LMBRD1: variants seen among roughly 807,000 people sequenced by gnomAD.
LMBRD1 encodes the protein lysosomal cobalamin transport escort protein LMBD1.
Under a neutral mutation model 74.8 loss-of-function variants are expected in LMBRD1, and 64 were observed. That is an observed-to-expected ratio of 0.86 (90% confidence interval 0.70 to 1.05). The LOEUF is 1.05. Among genes scored for constraint, LMBRD1 ranks in the 50% least tolerant of loss-of-function variants. The probability of loss-of-function intolerance (pLI) is 0.00; values close to 1 mark genes in which losing one functional copy is unlikely to be tolerated. For synonymous variants in LMBRD1, 204 were observed against 216.3 expected (o/e 0.94, Z 0.50); for missense variants, 652 against 645.9 (o/e 1.01, Z -0.10).
At chr6:69,740,092 C>A (rs920409914) in intron 6 of LMBRD1, among the ~76,000 whole-genome samples, 2 of 150,498 alleles carry the variant, frequency 1.3e-5, no homozygotes, top group Non-Finnish European at 2.9e-5. Context: ...GGTGACAGAG[C>A]AAGACTCCGT....
At chr6:69,753,547 A>C (rs925582818) in intron 3 of LMBRD1, among the ~76,000 whole-genome samples, 1 of 152,202 alleles carries the variant, frequency 6.6e-6, no homozygotes, top group African/African-American at 2.4e-5. Flanking sequence ...AAAAATGAAA[A>C]ATGGCATTAC....
rs200207509 is a variant in LMBRD1, at chr6:69,719,018, G to A, written c.700C>T (p.Arg234Cys). 13 of 1,612,830 alleles carry A rather than the reference G, an allele frequency of 8.1e-6. No homozygotes were observed. Among genetic ancestry groups the A allele is most frequent in the Admixed American group, 3.3e-5 (2 of 59,926 alleles). ...IKGTRSAAYE[R>C]LENTEDIEEV... is the part of the protein sequence containing the mutation. ...TCAATGTCTTCAGTGTTTTCCAAACGTTCATAAGCAGCGCTTCTAGTGCCT... is the reference window on the plus strand; with the variant it reads ...TCAATGTCTTCAGTGTTTTCCAAACATTCATAAGCAGCGCTTCTAGTGCCT... The change falls in exon 8 of 16, where the codon CGT (arginine) becomes TGT (cysteine). Residue 234 changes from arginine (R) to cysteine (C), a missense_variant. Physicochemically the swap from Arg to Cys is radical, Grantham distance 180. Around this residue, in one of 3 missense-constraint regions of LMBRD1, gnomAD observed 598 missense variants for 581.8 expected, o/e 1.03. Coordinates refer to ENST00000649934, the MANE Select transcript of LMBRD1 (RefSeq NM_018368.4).
In LMBRD1 at chr6:69,737,958, G is replaced by A. The variant is rs746499679; in HGVS notation, c.620C>T (p.Ala207Val). 8 of 1,610,484 alleles carry A rather than the reference G, an allele frequency of 5.0e-6. No individual in the cohort carries two copies. In the Admixed American group the frequency reaches 1.2e-4, roughly 24 times the overall value. Residue 207 changes from alanine to valine, a missense_variant, in exon 7 of 16, where the codon GCA (alanine) becomes GTA (valine). By Grantham distance (64) the Ala-to-Val change is moderately conservative. Transcript: ENST00000649934. ...TTCACTTACTGTGTAAGTTATAGCT[G>A]CCAACATTCCAATCAAGGTCAGAGA... ...ISSLTLIGMLAAITYTAYGMS... is the reference protein window; with the variant it reads ...ISSLTLIGMLVAITYTAYGMS...
intron 2 of LMBRD1, among the ~76,000 whole-genome samples, chr6:69,785,767 A>T (rs1458119934): frequency 6.6e-6 from 1 of 152,216 alleles, no homozygotes; most frequent in Non-Finnish European, 1.5e-5. Context: ...AAACTTATTA[A>T]TATGACTTAA....
intron 1 of LMBRD1, among the ~76,000 whole-genome samples, chr6:69,796,073 TAGCC>T (rs1368031478): frequency 6.6e-6 from 1 of 152,150 alleles, no homozygotes; most frequent in Non-Finnish European, 1.5e-5. Flanking sequence ...AGGGAAGTAA[TAGCC>T]AGGCCACTCT....
chr6:69,679,051 A>C (rs957283261), intron 14 of LMBRD1, among the ~76,000 whole-genome samples: 20 of 139,086 alleles, frequency 1.4e-4, no homozygotes, highest in South Asian at 4.9e-4. Context: ...AACAAAAAAA[A>C]AAAAACAAAA....
At chr6:69,760,192 A>G (rs1765346862) in intron 3 of LMBRD1, among the ~76,000 whole-genome samples, 1 of 152,222 alleles carries the variant, frequency 6.6e-6, no homozygotes. Context: ...AAGAATGTTC[A>G]TTGCACAATT....
At chr6:69,715,313 T>C (rs964571628) in intron 8 of LMBRD1, among the ~76,000 whole-genome samples, 3 of 151,970 alleles carry the variant, frequency 2.0e-5, no homozygotes, top group African/African-American at 7.2e-5. Flanking sequence ...GAAAAAAAAA[T>C]AGTAAACTGA....
chr6:69,785,359 G>T (rs1195713646), intron 2 of LMBRD1, among the ~76,000 whole-genome samples: 7 of 152,090 alleles, frequency 4.6e-5, no homozygotes, highest in African/African-American at 1.7e-4. Context: ...TCCATATGTT[G>T]CTTCCCAAAT....
chr6:69,676,090 G>C lies in LMBRD1; in HGVS notation c.*68C>G, dbSNP rs1406933720. ...AGCTAGTTAGCAAATCCTAATGTTA[G>C]TTTAATACTTTAAAAATGCATAACA... On this transcript the variant is annotated 3_prime_UTR_variant, in exon 16 of 16. Transcript: ENST00000649934. 1 of 1,286,072 alleles carries C rather than the reference G, an allele frequency of 7.8e-7. No individual in the cohort carries two copies. Among genetic ancestry groups the C allele is most frequent in the African/African-American group, 1.5e-5 (1 of 68,154 alleles). 79.7% of individuals were successfully genotyped at this position (1,286,072 alleles called of 1,614,324 possible). A position where few individuals can be genotyped will look rare whatever the true frequency, so the allele number is the denominator to read the frequency against.
intron 14 of LMBRD1, among the ~76,000 whole-genome samples, chr6:69,679,140 T>C (rs541982188): frequency 6.6e-6 from 1 of 152,098 alleles, no homozygotes; most frequent in African/African-American, 2.4e-5. Context: ...CCAATCTAAT[T>C]CCTATCTATT....
intron 1 of LMBRD1, 150 bp downstream of exon 1, chr6:69,796,663 C>T: frequency 1.4e-6 from 1 of 735,960 alleles, no homozygotes; most frequent in Non-Finnish European, 2.4e-6. Flanking sequence ...CCCGCCCAAG[C>T]CCCCAACACT....
At chr6:69,694,361 A>G (rs1765950598) in intron 14 of LMBRD1, among the ~76,000 whole-genome samples, 2 of 152,138 alleles carry the variant, frequency 1.3e-5, no homozygotes, top group Admixed American at 1.3e-4. Context: ...TTAAACACTA[A>G]TTTTTCAATC....
intron 7 of LMBRD1, among the ~76,000 whole-genome samples, chr6:69,732,796 G>A (rs986097020): frequency 3.3e-5 from 5 of 152,056 alleles, no homozygotes; most frequent in African/African-American, 1.2e-4. Flanking sequence ...TGGTCCATAC[G>A]ATACATTTTG....
intron 4 of LMBRD1, among the ~76,000 whole-genome samples, chr6:69,751,752 C>A (rs1486351823): frequency 1.3e-5 from 2 of 152,214 alleles, no homozygotes; most frequent in African/African-American, 2.4e-5. Flanking sequence ...TTCTGTTTTA[C>A]TGGATCATAA....
chr6:69,782,393 C>G (rs2149894056), intron 2 of LMBRD1, among the ~76,000 whole-genome samples: 1 of 152,298 alleles, frequency 6.6e-6, no homozygotes, highest in East Asian at 1.9e-4. Flanking sequence ...CTACTCAGCT[C>G]ATATTCTTTG....
chr6:69,766,442 T>C lies in LMBRD1; in HGVS notation c.307+14052A>G, dbSNP rs371277179. 4.6e-5 allele frequency among the ~76,000 whole-genome samples: 7 copies of C among 152,108 alleles called. No homozygotes were observed. In the East Asian group the frequency reaches 7.7e-4, roughly 17 times the overall value. ...TTTCTGTCCTATGTATGCTAACATG[T>C]ATGTTAAGTAAAGTAATTTCTGGAT... On this transcript the variant is annotated intron_variant, in intron 3 of 15. Transcript: ENST00000649934.
intron 1 of LMBRD1, among the ~76,000 whole-genome samples, chr6:69,792,039 G>C (rs1027465316): frequency 6.6e-6 from 1 of 152,146 alleles, no homozygotes; most frequent in African/African-American, 2.4e-5. Context: ...ACTCATATTT[G>C]ATGTAAAAAT....
chr6:69,694,780 G>A (rs987066788), intron 14 of LMBRD1, among the ~76,000 whole-genome samples: 4 of 152,248 alleles, frequency 2.6e-5, no homozygotes, highest in South Asian at 2.1e-4. Flanking sequence ...TACAAGTTGT[G>A]TAGACTTGTT....
Sources: allele counts gnomAD v4.1 joint callset (sites outside exome capture counted in the v4.1 genomes callset), GRCh38; gene constraint gnomAD v4.1.1; regional missense constraint gnomAD v4.1.1; transcripts MANE v1.5; gene names NCBI Gene and HGNC (gene_info 2026-07-23, HGNC 2026-07-21).